The following HPCAL1 variants were observed in gnomAD, a reference collection of about 807,000 sequenced individuals.
HPCAL1 encodes hippocalcin-like protein 1.
A neutral mutation model predicts 17.1 loss-of-function variants in HPCAL1; 8 were observed. The ratio of observed to expected loss-of-function variants is 0.47; its 90% confidence interval spans 0.27 to 0.84. The LOEUF (loss-of-function observed/expected upper bound fraction) is 0.84, where lower values mean the gene tolerates loss of function less well. Among genes scored for constraint, HPCAL1 ranks in the 40% least tolerant of loss-of-function variants. The pLI, the probability that HPCAL1 is intolerant of heterozygous loss-of-function variation, is 0.13. For synonymous variants in HPCAL1, 112 were observed against 111.4 expected, an observed-to-expected ratio of 1.01 and a Z score of -0.03; for missense variants, 165 against 271.1, an observed-to-expected ratio of 0.61 and a Z score of 2.75.
intron 1 of HPCAL1, among the ~76,000 whole-genome samples, chr2:10,378,570 C>T (rs13015407): frequency 0.29 from 44,574 of 152,070 alleles, 7,396 homozygotes; most frequent in Non-Finnish European, 0.37. Context: ...ACTATAGTCT[C>T]TTCCTCTTCT....
rs147353457 is a variant in HPCAL1, at chr2:10,314,626, A to G, written c.-111+11449A>G. Among the ~76,000 whole-genome samples the G allele has an allele frequency of 7.3e-3, 1,111 of 152,302 alleles. 16 individuals are homozygous for G. Among genetic ancestry groups the G allele is most frequent in the African/African-American group, 0.026 (1,067 of 41,550 alleles). On this transcript the variant is annotated intron_variant, in intron 1 of 4. Transcript: ENST00000307845. Reference sequence around the variant, plus strand: ...CACTGCTAGGGTTGTTGCTTTCCTCATTATAATGATGTCTTTATGTTCGTC... The same window carrying G: ...CACTGCTAGGGTTGTTGCTTTCCTCGTTATAATGATGTCTTTATGTTCGTC...
intron 2 of HPCAL1, among the ~76,000 whole-genome samples, chr2:10,412,531 G>C (rs901425998): frequency 5.9e-5 from 9 of 152,236 alleles, no homozygotes; most frequent in Non-Finnish European, 1.2e-4. Flanking sequence ...TGGAGGCTCA[G>C]GCCAGAAGTG....
intron 1 of HPCAL1, among the ~76,000 whole-genome samples, chr2:10,396,279 C>T (rs1211461093): frequency 1.3e-5 from 2 of 152,108 alleles, no homozygotes; most frequent in South Asian, 2.1e-4. Context: ...AGGAGGAGGT[C>T]GGGTGATGAG....
At chr2:10,306,082 C>A (rs969292497) in intron 1 of HPCAL1, among the ~76,000 whole-genome samples, 3 of 152,202 alleles carry the variant, frequency 2.0e-5, no homozygotes, top group Non-Finnish European at 4.4e-5. Context: ...CACACTCACT[C>A]ATGAACCAGT....
At position 10,331,065 on chromosome 2, in the gene HPCAL1, G is replaced by A. The variant is rs1304872924; in HGVS notation, c.-111+27888G>A. On this transcript the variant is annotated intron_variant, in intron 1 of 4. Coordinates refer to ENST00000307845, the MANE Select transcript of HPCAL1 (RefSeq NM_002149.4). This position sits in a 1 kb window ranked among gnomAD's most constrained non-coding sequence, Gnocchi z 5.0. The stretch of plus-strand genomic sequence containing the variant: ...CTCATCCCGCCTCTCGCTCCATCTC[G>A]TGGCCTCCCATCTGCTCTCCCGGCT... Among the ~76,000 whole-genome samples, 2 of 152,092 alleles carry A rather than the reference G, an allele frequency of 1.3e-5. No homozygotes were observed. Among genetic ancestry groups the A allele is most frequent in the African/African-American group, 2.4e-5 (1 of 41,400 alleles).
At chr2:10,402,057 G>A (rs903453144) in intron 2 of HPCAL1, among the ~76,000 whole-genome samples, 1 of 152,048 alleles carries the variant, frequency 6.6e-6, no homozygotes, top group South Asian at 2.1e-4. Context: ...GCACCACCAC[G>A]CCCGGCTAAT....
intron 1 of HPCAL1, among the ~76,000 whole-genome samples, chr2:10,350,848 C>T (rs73161301): frequency 0.37 from 55,569 of 151,892 alleles, 10,623 homozygotes; most frequent in South Asian, 0.6. Context: ...TCATTAGTCA[C>T]GAGGGAAATG....
At chr2:10,311,803 CATT>C (rs1451063975) in intron 1 of HPCAL1, among the ~76,000 whole-genome samples, 1 of 152,122 alleles carries the variant, frequency 6.6e-6, no homozygotes, top group Admixed American at 6.5e-5. Flanking sequence ...ACCTCACCAT[CATT>C]ATCACTGACA....
chr2:10,420,499 C>CTG (rs1485934109), intron 3 of HPCAL1, among the ~76,000 whole-genome samples: 4 of 151,222 alleles, frequency 2.6e-5, no homozygotes, highest in African/African-American at 9.7e-5. Flanking sequence ...CCTGGCCTCC[C>CTG]TGTGTTCTTT....
chr2:10,379,056 G>A (rs1347753127), intron 1 of HPCAL1, among the ~76,000 whole-genome samples: 2 of 151,936 alleles, frequency 1.3e-5, no homozygotes, highest in African/African-American at 4.8e-5. Flanking sequence ...GGTCGGGTGC[G>A]GTCGCTCCTA....
intron 1 of HPCAL1, among the ~76,000 whole-genome samples, chr2:10,317,365 A>C (rs917835695): frequency 6.6e-6 from 1 of 152,138 alleles, no homozygotes; most frequent in Non-Finnish European, 1.5e-5. Context: ...TCTTAAAGCT[A>C]GAGATGCCTG....
intron 1 of HPCAL1, among the ~76,000 whole-genome samples, chr2:10,368,361 G>C (rs1016211883): frequency 4.0e-5 from 6 of 151,820 alleles, no homozygotes; most frequent in Non-Finnish European, 7.4e-5. Context: ...GTGTGTGTGT[G>C]CATATGTGTG....
In HPCAL1 at chr2:10,354,112, C is replaced by T. The variant is rs145999905; in HGVS notation, c.-110-42723C>T. On this transcript the variant is annotated intron_variant, in intron 1 of 4. Transcript: ENST00000307845. The surrounding 1 kb of genome is among the most constrained non-coding windows in gnomAD (Gnocchi z 5.1). ...GACAAGGCGCTCACTCCTCCCACGG[C>T]GATGCATTCCAGCCGTCGAATTATG... 2.6e-5 allele frequency: 4 copies of T among 152,318 alleles called. No homozygotes were observed. The highest frequency in any genetic ancestry group is 9.6e-5 in the African/African-American group (4 of 41,562). The allele number at this position is 152,318 out of a possible 1,614,324, so 9.4% of individuals were successfully genotyped here. A position where few individuals can be genotyped will look rare whatever the true frequency, so the allele number is the denominator to read the frequency against.
chr2:10,404,832 C>T (rs530108840), intron 2 of HPCAL1, among the ~76,000 whole-genome samples: 1 of 152,196 alleles, frequency 6.6e-6, no homozygotes, highest in African/African-American at 2.4e-5. Context: ...CCCAGCTGGG[C>T]CTCAGGACCA....
chr2:10,382,991 G>A (rs576589684), intron 1 of HPCAL1, among the ~76,000 whole-genome samples: 1 of 152,316 alleles, frequency 6.6e-6, no homozygotes, highest in East Asian at 1.9e-4. Context: ...TGGTGTGCGG[G>A]ACACCCTGCA....
In HPCAL1 at chr2:10,377,467, C is replaced by T. The variant is rs1418113451; in HGVS notation, c.-110-19368C>T. Among the ~76,000 whole-genome samples, 2 of 152,214 alleles carry T rather than the reference C, an allele frequency of 1.3e-5. No homozygotes were observed. The highest frequency in any genetic ancestry group is 4.1e-4 in the South Asian group (2 of 4,832). ...ACTCGCCGCGGGCACCTGCTGTGCC[C>T]ACCTGCTGCCATCTGAGTGTCACGA... On this transcript the variant is annotated intron_variant, in intron 1 of 4. Transcript: ENST00000307845. This position sits in a 1 kb window ranked among gnomAD's most constrained non-coding sequence, Gnocchi z 5.9.
chr2:10,387,060 T>C (rs562527679), intron 1 of HPCAL1, among the ~76,000 whole-genome samples: 1 of 152,258 alleles, frequency 6.6e-6, no homozygotes, highest in East Asian at 1.9e-4. Flanking sequence ...GGCAAGTGGC[T>C]CAGAGCCTGT....
chr2:10,395,474 G>A lies in HPCAL1; in HGVS notation c.-110-1361G>A, dbSNP rs1668962103. On this transcript the variant is annotated intron_variant, in intron 1 of 4. Coordinates refer to ENST00000307845, the MANE Select transcript of HPCAL1 (RefSeq NM_002149.4). The surrounding 1 kb of genome is among the most constrained non-coding windows in gnomAD (Gnocchi z 4.4). ...CTCACAGTCAGGGGGGTGGGTTGGT[G>A]GGTGGGTGGAAGGAGGGGAGAGGTG... Among the ~76,000 whole-genome samples the A allele has an allele frequency of 1.3e-5, 2 of 152,078 alleles. No individual in the cohort carries two copies.
intron 1 of HPCAL1, among the ~76,000 whole-genome samples, chr2:10,386,026 C>T (rs1029232831): frequency 1.3e-5 from 2 of 152,162 alleles, no homozygotes; most frequent in South Asian, 2.1e-4. Flanking sequence ...ATATTAATGT[C>T]GATAACACAG....
Sources: gnomAD v4.1 joint callset for allele counts (sites outside exome capture counted in the v4.1 genomes callset) on GRCh38, gnomAD v4.1.1 for gene constraint, Gnocchi (gnomAD v3.1) non-coding constraint, MANE v1.5 for transcripts, NCBI Gene and HGNC (gene_info 2026-07-23, HGNC 2026-07-21) for gene names.